The following SYTL3 variants were observed in gnomAD, a reference collection of about 807,000 sequenced individuals.
SYTL3 encodes synaptotagmin-like protein 3.
Under a neutral mutation model 82.1 loss-of-function variants are expected in SYTL3, and 88 were observed. The ratio of observed to expected loss-of-function variants is 1.07; its 90% confidence interval spans 0.90 to 1.28. SYTL3 has a LOEUF of 1.28. Ranked by LOEUF, SYTL3 falls within the 50% of genes most tolerant of loss-of-function variation. The probability of loss-of-function intolerance (pLI) is 0.00; values close to 1 mark genes in which losing one functional copy is unlikely to be tolerated. For synonymous variants in SYTL3, 311 were observed against 289.4 expected, an observed-to-expected ratio of 1.07 and a Z score of -0.76; for missense variants, 831 against 757.6, an observed-to-expected ratio of 1.10 and a Z score of -1.14.
At chr6:158,679,539 A>C (rs1778420942) in intron 5 of SYTL3, among the ~76,000 whole-genome samples, 1 of 151,808 alleles carries the variant, frequency 6.6e-6, no homozygotes, top group Admixed American at 6.6e-5. Context: ...GCTGGTTGTC[A>C]TATGGTTTAG....
chr6:158,660,918 G>A (rs548921618), intron 2 of SYTL3, among the ~76,000 whole-genome samples: 2 of 152,264 alleles, frequency 1.3e-5, no homozygotes, highest in South Asian at 2.1e-4. Flanking sequence ...AGCTAGGCAT[G>A]GTAGCCCGCA....
At position 158,671,734 on chromosome 6, in the gene SYTL3, T is replaced by TA. The variant is rs567259318; in HGVS notation, c.329+6136dup. ...AGTGAGCTGACAGCGAGACTCAGTC[T>TA]AAAAAAAAAAAAAAAGATAATTATT... On this transcript the variant is annotated intron_variant, in intron 5 of 17. Coordinates refer to ENST00000611299, the MANE Select transcript of SYTL3 (RefSeq NM_001242394.2). 3.8e-3 allele frequency among the ~76,000 whole-genome samples: 309 copies of TA among 81,920 alleles called. 1 individual carries two copies. The highest frequency in any genetic ancestry group is 0.014 in the African/African-American group (205 of 14,568). 53.7% of individuals were successfully genotyped at this position (81,920 alleles called of 152,430 possible).
intron 8 of SYTL3, 27 bp downstream of exon 8, chr6:158,708,418 C>T: frequency 6.2e-7 from 1 of 1,602,364 alleles, no homozygotes; most frequent in Non-Finnish European, 8.5e-7. Context: ...GGGCACTTCT[C>T]TAGTAGGGGT....
intron 6 of SYTL3, among the ~76,000 whole-genome samples, chr6:158,698,214 T>A (rs1327697161): frequency 6.6e-6 from 1 of 151,946 alleles, no homozygotes; most frequent in Non-Finnish European, 1.5e-5. Context: ...CTGGCCAACA[T>A]GGTAAAATCC....
chr6:158,705,220 A>G (rs1279368550), intron 6 of SYTL3, among the ~76,000 whole-genome samples: 2 of 9,674 alleles, frequency 2.1e-4, no homozygotes, highest in African/African-American at 8.0e-4. Context: ...GGACCTGGGG[A>G]CAGGGTGACA....
At chr6:158,696,283 T>A (rs1447496881) in intron 6 of SYTL3, among the ~76,000 whole-genome samples, 1 of 152,158 alleles carries the variant, frequency 6.6e-6, no homozygotes, top group African/African-American at 2.4e-5. Flanking sequence ...GACTGCAATT[T>A]CTGCCTCCAG....
chr6:158,647,705 T>C (rs537525136), upstream of SYTL3, among the ~76,000 whole-genome samples: 5 of 152,384 alleles, frequency 3.3e-5, no homozygotes, highest in East Asian at 5.8e-4. Flanking sequence ...ATCAGAAGCA[T>C]TGGAGCTCAG....
chr6:158,731,111 T>C (rs778441871), intron 11 of SYTL3, among the ~76,000 whole-genome samples: 22 of 151,858 alleles, frequency 1.4e-4, no homozygotes, highest in African/African-American at 3.6e-4. Flanking sequence ...AGTGAAACCA[T>C]GTCTCTACTA....
intron 5 of SYTL3, among the ~76,000 whole-genome samples, chr6:158,681,261 TC>T (rs1778659752): frequency 6.6e-6 from 1 of 152,106 alleles, no homozygotes; most frequent in African/African-American, 2.4e-5. Flanking sequence ...GAGTATGGAT[TC>T]CCCCAGAAAA....
In SYTL3 at chr6:158,658,663, G is replaced by A. The variant is rs148347204; in HGVS notation, c.-636-2606G>A. Among the ~76,000 whole-genome samples, 741 of 152,240 alleles carry A rather than the reference G, an allele frequency of 4.9e-3. 6 individuals carry two copies. The highest frequency in any genetic ancestry group is 0.017 in the African/African-American group (689 of 41,538). On this transcript the variant is annotated intron_variant, in intron 2 of 17. Coordinates refer to ENST00000611299, the MANE Select transcript of SYTL3 (RefSeq NM_001242394.2). ...ACGTCGGCCAGGCGCGGTAGCTCAC[G>A]CCTATAATCCCAGCACTTTGGGAGG...
chr6:158,661,497 C>G (rs1017147590), intron 3 of SYTL3, 112 bp downstream of exon 3: 3 of 152,156 alleles, frequency 2.0e-5, no homozygotes, highest in Admixed American at 6.5e-5. Context: ...CGAGAACATC[C>G]CTTTTCAGAG....
At chr6:158,699,252 G>A (rs563149333) in intron 6 of SYTL3, among the ~76,000 whole-genome samples, 3 of 152,252 alleles carry the variant, frequency 2.0e-5, no homozygotes, top group East Asian at 3.9e-4. Context: ...CTCTTTCCCC[G>A]TGAACCAAGT....
upstream of SYTL3, among the ~76,000 whole-genome samples, chr6:158,646,264 C>T (rs1200402568): frequency 1.3e-5 from 2 of 152,162 alleles, no homozygotes; most frequent in East Asian, 3.9e-4. Context: ...CTCCTGGGCT[C>T]AAGGTATTCT....
At chr6:158,748,361 T>C (rs998333858) in intron 12 of SYTL3, among the ~76,000 whole-genome samples, 2 of 152,216 alleles carry the variant, frequency 1.3e-5, no homozygotes, top group African/African-American at 4.8e-5. Flanking sequence ...ACAGAATCTC[T>C]CCTATTGTTC....
intron 12 of SYTL3, among the ~76,000 whole-genome samples, chr6:158,749,082 AG>A (rs1788025500): frequency 1.3e-5 from 2 of 148,530 alleles, no homozygotes; most frequent in South Asian, 2.1e-4. Flanking sequence ...AAAATTAGCC[AG>A]GCATGGTGGC....
intron 2 of SYTL3, among the ~76,000 whole-genome samples, chr6:158,652,115 A>G (rs964916524): frequency 6.6e-6 from 1 of 151,826 alleles, no homozygotes; most frequent in African/African-American, 2.4e-5. Context: ...TTTAGTATAG[A>G]TGAGGTTTCA....
chr6:158,742,567 ATT>A (rs142084166), intron 11 of SYTL3, among the ~76,000 whole-genome samples: 81,781 of 144,352 alleles, frequency 0.57, 23,363 homozygotes, highest in African/African-American at 0.64. Flanking sequence ...TGCTGGAAGC[ATT>A]TTTTTTTTTT....
intron 5 of SYTL3, among the ~76,000 whole-genome samples, chr6:158,668,836 A>G (rs1362920759): frequency 2.6e-5 from 4 of 152,168 alleles, no homozygotes; most frequent in Non-Finnish European, 5.9e-5. Flanking sequence ...GACTGGCCAG[A>G]CAGGTCGCTT....
At chr6:158,701,465 C>CTGGGGTGTAG (rs1781265216) in intron 6 of SYTL3, among the ~76,000 whole-genome samples, 1 of 51,648 alleles carries the variant, frequency 1.9e-5, no homozygotes, top group African/African-American at 8.4e-5. Flanking sequence ...CTGGGGTGTA[C>CTGGGGTGTAG]ATGAAGGACT....
Sources: gnomAD v4.1 joint callset for allele counts (sites outside exome capture counted in the v4.1 genomes callset) on GRCh38, gnomAD v4.1.1 for gene constraint, MANE v1.5 for transcripts, NCBI Gene and HGNC (gene_info 2026-07-23, HGNC 2026-07-21) for gene names.